The following C1QTNF2 variants were observed in gnomAD, a reference collection of about 807,000 sequenced individuals.
The protein encoded by C1QTNF2 is complement C1q tumor necrosis factor-related protein 2.
C1QTNF2 carries 15 observed loss-of-function variants against 17.4 expected under a neutral mutation model. The ratio of observed to expected loss-of-function variants is 0.86; its 90% confidence interval spans 0.58 to 1.33. C1QTNF2 has a LOEUF of 1.33. Among genes scored for constraint, C1QTNF2 ranks in the 40% most tolerant of loss-of-function variants. C1QTNF2 has a pLI of 0.00. For missense variants in C1QTNF2, 381 were observed against 392.3 expected (o/e 0.97, Z 0.24); for synonymous variants, 154 against 163.3 (o/e 0.94, Z 0.44).
chr5:160,354,171 A>G (rs1450861394), intron 2 of C1QTNF2, among the ~76,000 whole-genome samples: 2 of 152,136 alleles, frequency 1.3e-5, no homozygotes, highest in African/African-American at 4.8e-5. Context: ...GTCACTTGCA[A>G]TTATCAAGAG....
intron 1 of C1QTNF2, among the ~76,000 whole-genome samples, chr5:160,368,798 G>A (rs10044293): frequency 6.7e-6 from 1 of 149,110 alleles, no homozygotes; most frequent in Non-Finnish European, 1.5e-5. Flanking sequence ...AGCGAGACAG[G>A]GGGGAGGAAT....
chr5:160,356,334 G>C (rs1299347048), intron 1 of C1QTNF2, among the ~76,000 whole-genome samples: 1 of 152,236 alleles, frequency 6.6e-6, no homozygotes, highest in Admixed American at 6.5e-5. Context: ...CTGAACAACA[G>C]GGGCTGGGCT....
At chr5:160,352,409 C>G (rs778527238) in intron 2 of C1QTNF2, among the ~76,000 whole-genome samples, 12 of 152,096 alleles carry the variant, frequency 7.9e-5, no homozygotes, top group Non-Finnish European at 1.5e-4. Context: ...TGGATGTTAT[C>G]CTGAATTGGC....
rs1764299551 is a variant in C1QTNF2 at position 160,369,046 on chromosome 5, C to T, written c.-10+1466G>A. Reference sequence around the variant, plus strand: ...GTTGTACCATGGAATGTAAAGTATGCTTCTCTTTGAGTTTAAAAAAAAAAA... The same window carrying T: ...GTTGTACCATGGAATGTAAAGTATGTTTCTCTTTGAGTTTAAAAAAAAAAA... On this transcript the variant is annotated intron_variant, in intron 1 of 2. Transcript: ENST00000652664. Among the ~76,000 whole-genome samples the T allele has an allele frequency of 4.4e-5, 5 of 113,376 alleles. No homozygotes were observed. The South Asian group carries it at 1.5e-3, about 33-fold the overall frequency. The allele number at this position is 113,376 out of a possible 152,430, so 74.4% of individuals were successfully genotyped here. A position where few individuals can be genotyped will look rare whatever the true frequency, so the allele number is the denominator to read the frequency against.
rs1281658064 is a variant in C1QTNF2, at chr5:160,353,699, A to G, written c.244+1069T>C. On this transcript the variant is annotated intron_variant, in intron 2 of 2. Transcript: ENST00000652664. Reference sequence around the variant, plus strand: ...AACTTCTAGCCTTTGTGAGGATACAACAAACACAGAGAGAAGCAGAGCCGT... The same window carrying G: ...AACTTCTAGCCTTTGTGAGGATACAGCAAACACAGAGAGAAGCAGAGCCGT... Among the ~76,000 whole-genome samples, 4 of 151,680 alleles carry G rather than the reference A, an allele frequency of 2.6e-5. No homozygotes were observed. The East Asian group carries it at 7.8e-4, about 29-fold the overall frequency.
chr5:160,363,980 A>G (rs1764201330), intron 1 of C1QTNF2, among the ~76,000 whole-genome samples: 1 of 152,200 alleles, frequency 6.6e-6, no homozygotes, highest in African/African-American at 2.4e-5. Context: ...GCTCAGCCCA[A>G]TAGGAAAATG....
chr5:160,369,030 T>C (rs182324728), intron 1 of C1QTNF2, among the ~76,000 whole-genome samples: 37 of 147,732 alleles, frequency 2.5e-4, no homozygotes, highest in Admixed American at 2.1e-3. Context: ...AGTTGTACCA[T>C]GGAATGTAAA....
intron 1 of C1QTNF2, among the ~76,000 whole-genome samples, chr5:160,361,644 T>C (rs927925561): frequency 1.3e-5 from 2 of 152,170 alleles, no homozygotes; most frequent in Non-Finnish European, 2.9e-5. Flanking sequence ...AAGGAATGCA[T>C]TCAAAGATTC....
Position 160,370,607 on chromosome 5 carries a change from A to T in C1QTNF2, c.-105T>A. 1 of 1,449,044 alleles carries T rather than the reference A, an allele frequency of 6.9e-7. No individual in the cohort carries two copies. Among genetic ancestry groups the T allele is most frequent in the Non-Finnish European group, 9.1e-7 (1 of 1,104,764 alleles). The allele number at this position is 1,449,044 out of a possible 1,614,324, so 89.8% of individuals were successfully genotyped here. On this transcript the variant is annotated 5_prime_UTR_variant, in exon 1 of 3. Coordinates refer to ENST00000652664, the MANE Select transcript of C1QTNF2 (RefSeq NM_031908.6). ...CTTTCCTCAGCGGCAGCAGCCGGGC[A>T]GAGCGTCGGCCCCAGGCATAGTTTT...
intron 1 of C1QTNF2, among the ~76,000 whole-genome samples, chr5:160,368,396 G>C (rs1031131682): frequency 6.6e-5 from 10 of 151,996 alleles, no homozygotes; most frequent in African/African-American, 2.4e-4. Flanking sequence ...GCTGGGTGAG[G>C]TGGTGTGCGC....
At position 160,349,384 on chromosome 5, in the gene C1QTNF2, G is replaced by A. The variant is rs1763864366; in HGVS notation, c.642C>T (p.His214=). 1.9e-6 allele frequency: 3 copies of A among 1,614,114 alleles called. No homozygotes were observed. In the East Asian group the frequency reaches 6.7e-5, roughly 36 times the overall value. Residue 214 remains histidine, a synonymous_variant, in exon 3 of 3, where the codon CAC becomes CAT. Coordinates refer to ENST00000652664, the MANE Select transcript of C1QTNF2 (RefSeq NM_031908.6). The surrounding 1 kb of genome is among the most constrained non-coding windows in gnomAD (Gnocchi z 4.3). ...AGGTCCGGATGCGGTACTGGCCGTT[G>A]TGCACCAGGCCGATGGCCAGGTGCT... is the stretch of plus-strand genomic sequence containing the variant. The part of the protein sequence containing the change: ...ANKHLAIGLV[H]NGQYRIRTFD...
chr5:160,350,811 C>T (rs1031747189), intron 2 of C1QTNF2, among the ~76,000 whole-genome samples: 6 of 148,872 alleles, frequency 4.0e-5, no homozygotes, highest in African/African-American at 7.5e-5. Context: ...AGCACAGTGG[C>T]GCGATCTCCG....
intron 1 of C1QTNF2, among the ~76,000 whole-genome samples, chr5:160,359,703 G>A (rs1764116889): frequency 6.6e-6 from 1 of 152,196 alleles, no homozygotes; most frequent in African/African-American, 2.4e-5. Flanking sequence ...GAGAGGCGTG[G>A]AGGGGACAGC....
At chr5:160,350,695 T>A (rs1388838760) in intron 2 of C1QTNF2, among the ~76,000 whole-genome samples, 1 of 152,088 alleles carries the variant, frequency 6.6e-6, no homozygotes, top group Non-Finnish European at 1.5e-5. Context: ...GAGTAAGACC[T>A]TGTCTCTAAA....
At position 160,349,100 on chromosome 5, in the gene C1QTNF2, G is replaced by A; in HGVS notation, c.*68C>T. The A allele has an allele frequency of 6.5e-7, 1 of 1,533,648 alleles. No individual in the cohort carries two copies. Among genetic ancestry groups the A allele is most frequent in the Non-Finnish European group, 8.8e-7 (1 of 1,140,574 alleles). The stretch of plus-strand genomic sequence containing the variant: ...GACCCCCCACCCCCAGCCTACAGTT[G>A]TGGGGTCTTGCTCTGTAAGCCCAAG... On this transcript the variant is annotated 3_prime_UTR_variant, in exon 3 of 3. Coordinates refer to ENST00000652664, the MANE Select transcript of C1QTNF2 (RefSeq NM_031908.6). The surrounding 1 kb of genome is among the most constrained non-coding windows in gnomAD (Gnocchi z 4.3).
intron 1 of C1QTNF2, among the ~76,000 whole-genome samples, chr5:160,360,646 A>G (rs1473556242): frequency 6.6e-6 from 1 of 152,144 alleles, no homozygotes; most frequent in Non-Finnish European, 1.5e-5. Flanking sequence ...TAAAAAAACA[A>G]TCTGAGTTCC....
intron 1 of C1QTNF2, among the ~76,000 whole-genome samples, chr5:160,359,421 G>A (rs1158618713): frequency 1.3e-5 from 2 of 152,176 alleles, no homozygotes; most frequent in African/African-American, 4.8e-5. Flanking sequence ...GTACCCAAAT[G>A]CTTTCCATTA....
At chr5:160,355,419 T>G (rs780883333) in intron 1 of C1QTNF2, 1 of 223,468 alleles carries the variant, frequency 4.5e-6, no homozygotes, top group Non-Finnish European at 7.5e-6. Flanking sequence ...TCTACAAGGG[T>G]AATGTTTGAA....
intron 1 of C1QTNF2, among the ~76,000 whole-genome samples, chr5:160,367,215 T>C (rs987226941): frequency 6.6e-6 from 1 of 152,084 alleles, no homozygotes. Context: ...TAATTTGAAA[T>C]TGTTGCCAAT....
Sources: gnomAD v4.1 joint callset for allele counts (sites outside exome capture counted in the v4.1 genomes callset) on GRCh38, gnomAD v4.1.1 for gene constraint, Gnocchi (gnomAD v3.1) non-coding constraint, MANE v1.5 for transcripts, NCBI Gene and HGNC (gene_info 2026-07-23, HGNC 2026-07-21) for gene names.